The following IL23R variants were observed in gnomAD, a reference collection of about 807,000 sequenced individuals.
IL23R encodes interleukin-23 receptor.
In IL23R, 34 loss-of-function variants were observed where a neutral mutation model predicts 56.9. The ratio of observed to expected loss-of-function variants is 0.60; its 90% CI spans 0.45 to 0.80. The LOEUF is 0.80. Ranked by LOEUF, IL23R falls within the 30% of genes least tolerant of loss-of-function variation. IL23R has a pLI of 0.00. For missense variants in IL23R, 635 were observed against 730.0 expected, an observed-to-expected ratio of 0.87 and a Z score of 1.50; for synonymous variants, 230 against 249.2, an observed-to-expected ratio of 0.92 and a Z score of 0.73.
At chr1:67,236,875 A>G in intron 8 of IL23R, 73 bp downstream of exon 8, 2 of 962,762 alleles carry the variant, frequency 2.1e-6, no homozygotes, top group South Asian at 1.3e-5. Flanking sequence ...ATACTGAAAA[A>G]ATCACATCAG....
At chr1:67,264,175 A>G (rs748589661), downstream of IL23R, among the ~76,000 whole-genome samples, 1 of 152,218 alleles carries the variant, frequency 6.6e-6, no homozygotes, top group Non-Finnish European at 1.5e-5. Flanking sequence ...ACTGAGATTA[A>G]TGACTGCAAA....
chr1:67,205,536 T>C (rs924463423), intron 5 of IL23R, among the ~76,000 whole-genome samples: 2 of 152,234 alleles, frequency 1.3e-5, no homozygotes, highest in African/African-American at 2.4e-5. Context: ...TTAATGATTC[T>C]ATTCTGTTCA....
intron 1 of IL23R, among the ~76,000 whole-genome samples, chr1:67,167,197 G>C (rs992479670): frequency 5.3e-5 from 8 of 152,058 alleles, no homozygotes; most frequent in Admixed American, 3.9e-4. Context: ...TCACCTCCCG[G>C]GTAGCTGGGA....
chr1:67,179,165 T>C (rs1200255933), intron 3 of IL23R, among the ~76,000 whole-genome samples: 1 of 152,208 alleles, frequency 6.6e-6, no homozygotes, highest in Non-Finnish European at 1.5e-5. Context: ...TCTTTTTCTA[T>C]TGATTGGAAT....
intron 6 of IL23R, among the ~76,000 whole-genome samples, chr1:67,213,667 A>G (rs1649644561): frequency 6.6e-6 from 1 of 152,240 alleles, no homozygotes; most frequent in South Asian, 2.1e-4. Context: ...GTAGCCTAGA[A>G]GCAACAGGCT....
chr1:67,190,433 A>G lies in IL23R; in HGVS notation c.491+7474A>G, dbSNP rs58492600. On this transcript the variant is annotated intron_variant, in intron 4 of 10. Coordinates refer to ENST00000347310, the MANE Select transcript of IL23R (RefSeq NM_144701.3). ...GCTGTTTCAAAGGGTAATGATAGGG[A>G]AAAAAAAAAACCAAAAAAAAAACAA... 6.3e-3 allele frequency among the ~76,000 whole-genome samples: 458 copies of G among 72,984 alleles called. 4 individuals are homozygous for G. Among genetic ancestry groups the G allele is most frequent in the African/African-American group, 0.025 (421 of 17,142 alleles). 47.9% of individuals were successfully genotyped at this position (72,984 alleles called of 152,430 possible). A position where few individuals can be genotyped will look rare whatever the true frequency, so the allele number is the denominator to read the frequency against.
chr1:67,205,877 TTC>T (rs1285980765), intron 5 of IL23R, among the ~76,000 whole-genome samples: 1 of 29,458 alleles, frequency 3.4e-5, no homozygotes, highest in African/African-American at 1.2e-4. Context: ...ACATCCATCT[TTC>T]TTTCTTTCTT....
At chr1:67,155,274 T>C (rs1295314960) in intron 1 of IL23R, among the ~76,000 whole-genome samples, 2 of 152,208 alleles carry the variant, frequency 1.3e-5, no homozygotes, top group Non-Finnish European at 2.9e-5. Context: ...TGTTTGGGGA[T>C]TGATCTTCTC....
At chr1:67,183,063 A>ATC (rs1647176010) in intron 4 of IL23R, 104 bp downstream of exon 4, 2 of 1,267,120 alleles carry the variant, frequency 1.6e-6, no homozygotes, top group Non-Finnish European at 2.3e-6. Flanking sequence ...CATTAAATAT[A>ATC]TACCCTGATT....
intron 7 of IL23R, among the ~76,000 whole-genome samples, chr1:67,221,639 G>A (rs760363808): frequency 6.6e-6 from 1 of 152,104 alleles, no homozygotes; most frequent in Non-Finnish European, 1.5e-5. Context: ...ACCTAAAGAT[G>A]TCTCCCTACT....
intron 6 of IL23R, among the ~76,000 whole-genome samples, chr1:67,215,153 C>G (rs548625326): frequency 1.3e-5 from 2 of 152,288 alleles, no homozygotes; most frequent in Admixed American, 6.5e-5. Context: ...TGCCGATGCT[C>G]CCAGCTGAAT....
intron 7 of IL23R, among the ~76,000 whole-genome samples, chr1:67,233,851 G>GT: frequency 7.7e-6 from 1 of 130,596 alleles, no homozygotes; most frequent in South Asian, 3.5e-4. Flanking sequence ...GATATCATGA[G>GT]GTTTTTTTTT....
chr1:67,147,908 TA>T (rs1465840362), intron 1 of IL23R, among the ~76,000 whole-genome samples: 1 of 151,934 alleles, frequency 6.6e-6, no homozygotes, highest in Middle Eastern at 3.2e-3. Flanking sequence ...CAAGATGGGG[TA>T]AGCCGCTTCC....
At chr1:67,202,923 T>C (rs1485341447) in intron 5 of IL23R, among the ~76,000 whole-genome samples, 3 of 152,176 alleles carry the variant, frequency 2.0e-5, no homozygotes. Context: ...TGATGGACAA[T>C]TATTCCATTT....
chr1:67,139,280 T>C (rs1399586076), intron 1 of IL23R: 1 of 152,180 alleles, frequency 6.6e-6, no homozygotes, highest in Non-Finnish European at 1.5e-5. Context: ...AATGGATAGA[T>C]TAACTATCTC....
chr1:67,150,079 A>G (rs1398642842), intron 1 of IL23R, among the ~76,000 whole-genome samples: 1 of 152,044 alleles, frequency 6.6e-6, no homozygotes, highest in African/African-American at 2.4e-5. Context: ...TTTTCTATCT[A>G]TAGTCTATAT....
chr1:67,169,138 C>CAAA (rs5774855), intron 2 of IL23R, among the ~76,000 whole-genome samples: 26 of 81,262 alleles, frequency 3.2e-4, no homozygotes, highest in African/African-American at 6.4e-4. Context: ...GAGACTGTCT[C>CAAA]AAAAAAAAAA....
chr1:67,147,684 A>G (rs981544573), intron 1 of IL23R, among the ~76,000 whole-genome samples: 3 of 152,110 alleles, frequency 2.0e-5, no homozygotes, highest in Admixed American at 2.0e-4. Context: ...AGCCTGGGCG[A>G]CAGAGCAGAC....
chr1:67,237,756 T>G (rs1651580525), intron 8 of IL23R, among the ~76,000 whole-genome samples: 1 of 152,236 alleles, frequency 6.6e-6, no homozygotes, highest in Admixed American at 6.5e-5. Flanking sequence ...TGAAAACTTT[T>G]AGGCATGACT....
Sources: allele counts gnomAD v4.1 joint callset (sites outside exome capture counted in the v4.1 genomes callset), GRCh38; gene constraint gnomAD v4.1.1; transcripts MANE v1.5; gene names NCBI Gene and HGNC (gene_info 2026-07-23, HGNC 2026-07-21).